Variants in FAF1 observed in about 807,000 individuals in gnomAD.
The protein encoded by FAF1 is Fas associated factor 1.
FAF1 carries 25 observed loss-of-function variants against 92.5 expected under a neutral mutation model. The observed-to-expected ratio is 0.27, with a 90% CI of 0.20 to 0.38. The LOEUF is 0.38. Ranked by LOEUF, FAF1 falls within the 10% of genes least tolerant of loss-of-function variation. The pLI is 1.00. For synonymous variants in FAF1, 234 were observed against 273.2 expected (o/e 0.86, Z 1.42); for missense variants, 636 against 793.3 (o/e 0.80, Z 2.38).
At chr1:50,676,297 C>T (rs774460821) in intron 7 of FAF1, among the ~76,000 whole-genome samples, 5 of 151,870 alleles carry the variant, frequency 3.3e-5, no homozygotes, top group Admixed American at 6.6e-5. Context: ...ATCCCAGCTA[C>T]TCAGGAGGCT....
chr1:50,715,359 T>C (rs746771261), intron 6 of FAF1, among the ~76,000 whole-genome samples: 1 of 152,064 alleles, frequency 6.6e-6, no homozygotes, highest in African/African-American at 2.4e-5. Context: ...CCCAGCTACT[T>C]AGGAGGCGGA....
intron 1 of FAF1, among the ~76,000 whole-genome samples, chr1:50,898,515 T>C (rs1644773283): frequency 6.6e-6 from 1 of 152,218 alleles, no homozygotes; most frequent in Non-Finnish European, 1.5e-5. Context: ...CTGTATAATA[T>C]GCTACCATTT....
At chr1:50,846,473 C>T (rs1644301442) in intron 2 of FAF1, 4 of 472,434 alleles carry the variant, frequency 8.5e-6, no homozygotes, top group Non-Finnish European at 1.7e-5. Flanking sequence ...CCAGGCATGC[C>T]CCGCTATAAG....
intron 15 of FAF1, among the ~76,000 whole-genome samples, chr1:50,510,349 G>A (rs901166312): frequency 4.6e-5 from 7 of 152,090 alleles, no homozygotes; most frequent in Non-Finnish European, 7.4e-5. Flanking sequence ...TGACTTTAGG[G>A]AAAATAGCTG....
intron 8 of FAF1, among the ~76,000 whole-genome samples, chr1:50,648,652 C>T (rs553164606): frequency 2.6e-5 from 4 of 152,034 alleles, no homozygotes; most frequent in African/African-American, 4.8e-5. Context: ...TTTGGCTGGG[C>T]GCGGTGGCTC....
intron 1 of FAF1, among the ~76,000 whole-genome samples, chr1:50,863,489 A>G (rs1236195977): frequency 1.3e-5 from 2 of 151,998 alleles, no homozygotes; most frequent in African/African-American, 4.8e-5. Flanking sequence ...ACCCAAACCC[A>G]GCAGAAAAAA....
intron 18 of FAF1, among the ~76,000 whole-genome samples, chr1:50,468,967 A>G (rs909875617): frequency 6.6e-6 from 1 of 152,220 alleles, no homozygotes; most frequent in Admixed American, 6.5e-5. Flanking sequence ...TGAATAACCT[A>G]AAGAAATATA....
chr1:50,770,891 C>T (rs531715417), intron 4 of FAF1, among the ~76,000 whole-genome samples: 2 of 152,214 alleles, frequency 1.3e-5, no homozygotes, highest in South Asian at 2.1e-4. Flanking sequence ...CATAACAGCA[C>T]GTTACTGGTA....
At chr1:50,783,056 A>C (rs1056875788) in intron 4 of FAF1, among the ~76,000 whole-genome samples, 3 of 152,174 alleles carry the variant, frequency 2.0e-5, no homozygotes, top group African/African-American at 7.2e-5. Context: ...TTAAATTAAA[A>C]ATAATTATAA....
At chr1:50,559,844 G>A (rs1029200730) in intron 13 of FAF1, among the ~76,000 whole-genome samples, 1 of 152,146 alleles carries the variant, frequency 6.6e-6, no homozygotes, top group Admixed American at 6.5e-5. Context: ...TTAAGCCCTT[G>A]ACCTGGGATG....
At chr1:50,546,978 T>G (rs1171561712) in intron 13 of FAF1, among the ~76,000 whole-genome samples, 1 of 152,056 alleles carries the variant, frequency 6.6e-6, no homozygotes, top group Non-Finnish European at 1.5e-5. Context: ...AACCTCCGCC[T>G]CACGGGCTCC....
intron 13 of FAF1, among the ~76,000 whole-genome samples, chr1:50,547,976 C>CT (rs1438599498): frequency 6.6e-6 from 1 of 152,096 alleles, no homozygotes; most frequent in Non-Finnish European, 1.5e-5. Flanking sequence ...ATCATAGACT[C>CT]TTAGGAGGGA....
intron 7 of FAF1, among the ~76,000 whole-genome samples, chr1:50,683,293 G>A (rs1208918653): frequency 1.3e-5 from 2 of 151,990 alleles, no homozygotes; most frequent in East Asian, 1.9e-4. Context: ...TTGGGAGGTC[G>A]ATGCAGGTGG....
chr1:50,847,772 A>G (rs980768490), intron 2 of FAF1, among the ~76,000 whole-genome samples: 5 of 152,102 alleles, frequency 3.3e-5, no homozygotes, highest in African/African-American at 4.8e-5. Flanking sequence ...TTAACTGTAT[A>G]TTATATAAAT....
intron 1 of FAF1, among the ~76,000 whole-genome samples, chr1:50,891,301 C>T (rs548210472): frequency 6.6e-5 from 10 of 151,972 alleles, no homozygotes; most frequent in Admixed American, 3.9e-4. Flanking sequence ...GAGATGGGTT[C>T]GAACATCTTC....
At chr1:50,588,095 T>G (rs1162735170) in intron 9 of FAF1, among the ~76,000 whole-genome samples, 1 of 152,140 alleles carries the variant, frequency 6.6e-6, no homozygotes, top group Non-Finnish European at 1.5e-5. Context: ...GAGACCAGCC[T>G]GGCCAACATG....
intron 13 of FAF1, among the ~76,000 whole-genome samples, chr1:50,565,710 T>C (rs965603269): frequency 1.3e-5 from 2 of 152,062 alleles, no homozygotes; most frequent in South Asian, 2.1e-4. Flanking sequence ...TTTTTTGTCA[T>C]TGTAAAATAA....
chr1:50,636,915 T>C (rs539667173), intron 8 of FAF1, among the ~76,000 whole-genome samples: 1 of 152,260 alleles, frequency 6.6e-6, no homozygotes, highest in South Asian at 2.1e-4. Context: ...TGATATCCAG[T>C]TGCCTCATCG....
chr1:50,945,580 C>A (rs924999121), intron 1 of FAF1, among the ~76,000 whole-genome samples: 3 of 152,190 alleles, frequency 2.0e-5, no homozygotes, highest in Non-Finnish European at 4.4e-5. Context: ...GCAGTGTACA[C>A]TCAATCAGAA....
Sources: allele counts gnomAD v4.1 joint callset (sites outside exome capture counted in the v4.1 genomes callset), GRCh38; gene constraint gnomAD v4.1.1; transcripts MANE v1.5; gene names NCBI Gene and HGNC (gene_info 2026-07-23, HGNC 2026-07-21).